The following LRRTM4 variants were observed in gnomAD, a reference collection of about 807,000 sequenced individuals.
LRRTM4 encodes the protein leucine rich repeat transmembrane neuronal 4.
A neutral mutation model predicts 47.6 loss-of-function variants in LRRTM4; 25 were observed. That is an observed-to-expected ratio of 0.53 (90% confidence interval 0.38 to 0.73). The LOEUF is 0.73. Ranked by LOEUF, LRRTM4 falls within the 30% of genes least tolerant of loss-of-function variation. The pLI is 0.00. For synonymous variants in LRRTM4, 311 were observed against 269.5 expected (o/e 1.15, Z -1.51); for missense variants, 638 against 713.4 (o/e 0.89, Z 1.20).
chr2:76,926,472 G>T (rs527536794), intron 3 of LRRTM4, among the ~76,000 whole-genome samples: 2 of 152,088 alleles, frequency 1.3e-5, no homozygotes, highest in Non-Finnish European at 2.9e-5. Context: ...TTTTGGGCCC[G>T]AGGTTAAATG....
chr2:77,453,496 T>A (rs2103956499), intron 3 of LRRTM4, among the ~76,000 whole-genome samples: 1 of 152,232 alleles, frequency 6.6e-6, no homozygotes, highest in Admixed American at 6.5e-5. Flanking sequence ...TGAATTTTTA[T>A]TTTATTTGCA....
chr2:76,916,257 C>T (rs1190942329), intron 3 of LRRTM4, among the ~76,000 whole-genome samples: 3 of 151,242 alleles, frequency 2.0e-5, no homozygotes, highest in Admixed American at 6.6e-5. Context: ...TGTTGGCGGG[C>T]GCCTGTAGTC....
At chr2:77,051,190 C>T (rs1679420538) in intron 3 of LRRTM4, among the ~76,000 whole-genome samples, 1 of 151,700 alleles carries the variant, frequency 6.6e-6, no homozygotes, top group Admixed American at 6.6e-5. Flanking sequence ...TGCTGAACAT[C>T]CTACAGTGCA....
At chr2:76,850,365 A>C (rs1029877258) in intron 3 of LRRTM4, among the ~76,000 whole-genome samples, 3 of 152,178 alleles carry the variant, frequency 2.0e-5, no homozygotes, top group African/African-American at 7.2e-5. Flanking sequence ...ACATATCAGA[A>C]CCTGGGAGTG....
chr2:77,199,319 A>G (rs1271944872), intron 3 of LRRTM4, among the ~76,000 whole-genome samples: 1 of 152,128 alleles, frequency 6.6e-6, no homozygotes, highest in Non-Finnish European at 1.5e-5. Flanking sequence ...GAGGGAATTA[A>G]AACTATAAAG....
chr2:76,897,334 T>C (rs1191700055), intron 3 of LRRTM4, among the ~76,000 whole-genome samples: 1 of 152,152 alleles, frequency 6.6e-6, no homozygotes, highest in Non-Finnish European at 1.5e-5. Flanking sequence ...AATTCTGTCT[T>C]TGTATCTAAA....
intron 3 of LRRTM4, among the ~76,000 whole-genome samples, chr2:77,400,338 A>G (rs1447124526): frequency 6.6e-6 from 1 of 151,758 alleles, no homozygotes; most frequent in East Asian, 1.9e-4. Context: ...TGGCCCTACA[A>G]TTCACTCAGG....
intron 3 of LRRTM4, among the ~76,000 whole-genome samples, chr2:76,753,162 C>T (rs893738827): frequency 6.6e-6 from 1 of 152,138 alleles, no homozygotes; most frequent in Non-Finnish European, 1.5e-5. Context: ...AGGGAGGAAC[C>T]ATTATGACTA....
At chr2:77,145,756 A>T (rs1273218330) in intron 3 of LRRTM4, among the ~76,000 whole-genome samples, 1 of 147,620 alleles carries the variant, frequency 6.8e-6, no homozygotes, top group Non-Finnish European at 1.5e-5. Context: ...CCTGGGTGAC[A>T]AAGCGAGGCT....
chr2:77,368,886 A>G (rs1034301323), intron 3 of LRRTM4, among the ~76,000 whole-genome samples: 3 of 151,678 alleles, frequency 2.0e-5, no homozygotes, highest in African/African-American at 4.8e-5. Context: ...ATCGCATGGT[A>G]TTTCTAATTT....
chr2:77,069,399 CTA>C lies in LRRTM4; in HGVS notation c.1552-320485_1552-320484del, dbSNP rs1235492127. ...GGGTCATATGGAACTCTACATTTCA[CTA>C]TGTGTGTGTGTGTGTGTGTGTGTGT... On this transcript the variant is annotated intron_variant, in intron 3 of 3. Coordinates refer to ENST00000409884, the MANE Select transcript of LRRTM4 (RefSeq NM_001134745.3). 9.7e-5 allele frequency among the ~76,000 whole-genome samples: 12 copies of C among 123,672 alleles called. No individual in the cohort carries two copies. In the South Asian group the frequency reaches 1.0e-3, roughly 10 times the overall value. The allele number at this position is 123,672 out of a possible 152,430, so 81.1% of individuals were successfully genotyped here. A position where few individuals can be genotyped will look rare whatever the true frequency, so the allele number is the denominator to read the frequency against.
intron 3 of LRRTM4, among the ~76,000 whole-genome samples, chr2:77,052,271 C>T (rs375220727): frequency 6.9e-6 from 1 of 145,830 alleles, no homozygotes; most frequent in South Asian, 2.2e-4. Context: ...CAGATTCAAG[C>T]AATTCTCCTG....
At chr2:76,824,936 A>G (rs1391279771) in intron 3 of LRRTM4, among the ~76,000 whole-genome samples, 1 of 151,554 alleles carries the variant, frequency 6.6e-6, no homozygotes, top group Non-Finnish European at 1.5e-5. Context: ...ATCAAATGAC[A>G]CTTCAAATGT....
rs532082412 is a variant in LRRTM4, at chr2:77,065,374, A to T, written c.1552-316458T>A. On this transcript the variant is annotated intron_variant, in intron 3 of 3. Transcript: ENST00000409884. ...CACATTATAATAATGGCAATTAATT[A>T]TGAAAATTATATTTAAAGTGCAATG... 5.9e-5 allele frequency among the ~76,000 whole-genome samples: 9 copies of T among 152,296 alleles called. No homozygotes were observed. The South Asian group carries it at 1.9e-3, about 32-fold the overall frequency.
chr2:77,164,496 C>A (rs916194786), intron 3 of LRRTM4, among the ~76,000 whole-genome samples: 1 of 152,214 alleles, frequency 6.6e-6, no homozygotes, highest in Non-Finnish European at 1.5e-5. Flanking sequence ...CCCAAATCAA[C>A]AGAATATACA....
intron 3 of LRRTM4, among the ~76,000 whole-genome samples, chr2:76,904,913 A>G (rs1673771474): frequency 6.6e-6 from 1 of 152,252 alleles, no homozygotes; most frequent in Non-Finnish European, 1.5e-5. Context: ...AAATAGGAAC[A>G]GCTTCGGTCT....
At chr2:76,891,865 G>C (rs114734397) in intron 3 of LRRTM4, among the ~76,000 whole-genome samples, 1,578 of 151,460 alleles carry the variant, frequency 0.01, 32 homozygotes, top group African/African-American at 0.036. Context: ...TCATTAATTT[G>C]ACAAAACATT....
chr2:77,093,710 A>G (rs1450222362), intron 3 of LRRTM4, among the ~76,000 whole-genome samples: 2 of 152,002 alleles, frequency 1.3e-5, no homozygotes, highest in Non-Finnish European at 2.9e-5. Flanking sequence ...ATCCCCTGTG[A>G]CTTGCACATA....
At chr2:76,955,778 A>T in intron 3 of LRRTM4, among the ~76,000 whole-genome samples, 1 of 151,728 alleles carries the variant, frequency 6.6e-6, no homozygotes, top group Non-Finnish European at 1.5e-5. Context: ...ACCGTCTGCA[A>T]CCAAGAGTGG....
Sources: allele counts gnomAD v4.1 joint callset (sites outside exome capture counted in the v4.1 genomes callset), GRCh38; gene constraint gnomAD v4.1.1; transcripts MANE v1.5; gene names NCBI Gene and HGNC (gene_info 2026-07-23, HGNC 2026-07-21).